Variants in KLF12 observed in about 807,000 individuals in gnomAD.
The protein encoded by KLF12 is KLF transcription factor 12, also known as Krueppel-like factor 12.
Under a neutral mutation model 37.8 loss-of-function variants are expected in KLF12, and 9 were observed. The ratio of observed to expected loss-of-function variants is 0.24; its 90% CI spans 0.14 to 0.42. The LOEUF is 0.42. Ranked by LOEUF, KLF12 falls within the 10% of genes least tolerant of loss-of-function variation. The pLI, the probability that KLF12 is intolerant of heterozygous loss-of-function variation, is 1.00. For missense variants in KLF12, 411 were observed against 516.0 expected (o/e 0.80, Z 1.97); for synonymous variants, 208 against 202.1 (o/e 1.03, Z -0.25).
intron 3 of KLF12, among the ~76,000 whole-genome samples, chr13:73,877,752 C>G (rs1886786239): frequency 6.6e-6 from 1 of 152,052 alleles, no homozygotes; most frequent in African/African-American, 2.4e-5. Context: ...AAGTTGTTTT[C>G]TTCATTTCTA....
At chr13:73,772,834 T>A (rs960362883) in intron 5 of KLF12, among the ~76,000 whole-genome samples, 1 of 152,108 alleles carries the variant, frequency 6.6e-6, no homozygotes, top group African/African-American at 2.4e-5. Flanking sequence ...CCTGCAATAA[T>A]GTCACAAAGC....
At chr13:74,168,194 T>G in the KLF12 span, among the ~76,000 whole-genome samples, 1 of 152,240 alleles carries the variant, frequency 6.6e-6, no homozygotes, top group African/African-American at 2.4e-5. Flanking sequence ...TTGAATTCTT[T>G]GCATCTCTGG....
At chr13:73,982,113 T>A (rs1049592748) in intron 2 of KLF12, among the ~76,000 whole-genome samples, 1 of 152,246 alleles carries the variant, frequency 6.6e-6, no homozygotes, top group African/African-American at 2.4e-5. Context: ...ATTCTTTTAA[T>A]TGGTTAAACA....
At chr13:73,939,680 AC>A in intron 3 of KLF12, among the ~76,000 whole-genome samples, 1 of 152,188 alleles carries the variant, frequency 6.6e-6, no homozygotes, top group African/African-American at 2.4e-5. Context: ...CTCAGTACCC[AC>A]CAAAGGCAGG....
chr13:74,140,282 G>C, the KLF12 span, among the ~76,000 whole-genome samples: 1 of 152,118 alleles, frequency 6.6e-6, no homozygotes, highest in African/African-American at 2.4e-5. Context: ...CAATACTTTG[G>C]GAAGCGGAAG....
intron 6 of KLF12, among the ~76,000 whole-genome samples, chr13:73,755,040 A>C (rs1399957909): frequency 6.6e-6 from 1 of 152,218 alleles, no homozygotes; most frequent in East Asian, 1.9e-4. Flanking sequence ...ACTGTAAGTC[A>C]CTTTCACTGT....
chr13:73,841,716 C>T (rs573176024), intron 4 of KLF12, among the ~76,000 whole-genome samples: 1 of 152,084 alleles, frequency 6.6e-6, no homozygotes, highest in Non-Finnish European at 1.5e-5. Flanking sequence ...TATGCCATTC[C>T]GTTGACAAAA....
intron 5 of KLF12, among the ~76,000 whole-genome samples, chr13:73,793,133 A>G (rs1266096919): frequency 6.6e-6 from 1 of 152,228 alleles, no homozygotes; most frequent in Non-Finnish European, 1.5e-5. Flanking sequence ...AAGCTGCAGC[A>G]ACTACCATCT....
At chr13:73,989,912 A>G (rs2138236055) in intron 2 of KLF12, among the ~76,000 whole-genome samples, 1 of 152,310 alleles carries the variant, frequency 6.6e-6, no homozygotes, top group African/African-American at 2.4e-5. Flanking sequence ...AATTACACAT[A>G]AAAGTTTCTT....
At chr13:73,897,469 G>T (rs1368491448) in intron 3 of KLF12, among the ~76,000 whole-genome samples, 1 of 152,112 alleles carries the variant, frequency 6.6e-6, no homozygotes, top group African/African-American at 2.4e-5. Context: ...TCCGAATCAG[G>T]TATTCCTCCA....
At chr13:73,994,742 A>C (rs1892061033) in intron 2 of KLF12, among the ~76,000 whole-genome samples, 1 of 152,194 alleles carries the variant, frequency 6.6e-6, no homozygotes, top group African/African-American at 2.4e-5. Flanking sequence ...TTGATTCTTA[A>C]AATACCAGCT....
chr13:73,855,997 T>G (rs1156972335), intron 3 of KLF12, among the ~76,000 whole-genome samples: 5 of 152,242 alleles, frequency 3.3e-5, no homozygotes, highest in Non-Finnish European at 5.9e-5. Context: ...TATCTAAGGC[T>G]GTTGTAATGG....
chr13:73,919,743 T>G (rs1439041376), intron 3 of KLF12, among the ~76,000 whole-genome samples: 1 of 151,376 alleles, frequency 6.6e-6, no homozygotes, highest in African/African-American at 2.5e-5. Context: ...GTAATCAATA[T>G]ATTACAAAAA....
chr13:74,230,643 A>T, the KLF12 span, among the ~76,000 whole-genome samples: 1 of 152,320 alleles, frequency 6.6e-6, no homozygotes, highest in East Asian at 1.9e-4. Context: ...CTATGGAGGC[A>T]GAGGATTGTC....
intron 1 of KLF12, among the ~76,000 whole-genome samples, chr13:74,016,533 T>C (rs938465093): frequency 6.6e-6 from 1 of 152,100 alleles, no homozygotes; most frequent in African/African-American, 2.4e-5. Flanking sequence ...AGCTAATTTT[T>C]TAAATTTTTG....
chr13:73,922,501 G>T (rs1889163817), intron 3 of KLF12, among the ~76,000 whole-genome samples: 1 of 152,194 alleles, frequency 6.6e-6, no homozygotes, highest in South Asian at 2.1e-4. Flanking sequence ...TTATGTGTAA[G>T]ATTTTATACA....
At chr13:74,040,810 G>C (rs1893381264) in intron 1 of KLF12, among the ~76,000 whole-genome samples, 1 of 152,172 alleles carries the variant, frequency 6.6e-6, no homozygotes. Context: ...CCTTGCCTCT[G>C]CAAAGCAGGC....
intron 1 of KLF12, among the ~76,000 whole-genome samples, chr13:74,129,231 C>T (rs1377373853): frequency 3.3e-5 from 5 of 152,138 alleles, no homozygotes; most frequent in Non-Finnish European, 7.3e-5. Flanking sequence ...AATGTAAATG[C>T]TATATAAAGT....
Position 73,813,253 on chromosome 13 carries a change from TTGTC to T in KLF12, c.701_704del (p.Arg234LysfsTer14), listed in dbSNP as rs1566387341. On this transcript the variant is annotated frameshift_variant, in exon 5 of 8. Transcript: ENST00000377669. LOFTEE classifies it high-confidence loss of function. ...CATCATCATCACTGTCACTTTTACT[TTGTC>T]TGGGAGATAGGCCTCGGGGGTCCAT... 1 of 1,614,024 alleles carries T rather than the reference TTGTC, an allele frequency of 6.2e-7. No individual in the cohort carries two copies. Among genetic ancestry groups the T allele is most frequent in the Non-Finnish European group, 8.5e-7 (1 of 1,179,944 alleles).
Sources: gnomAD v4.1 joint callset for allele counts (sites outside exome capture counted in the v4.1 genomes callset) on GRCh38, gnomAD v4.1.1 for gene constraint, MANE v1.5 for transcripts, NCBI Gene and HGNC (gene_info 2026-07-23, HGNC 2026-07-21) for gene names.